RPAP2: variants seen among roughly 807,000 people sequenced by gnomAD.
RPAP2 encodes putative RNA polymerase II subunit B1 CTD phosphatase RPAP2.
Under a neutral mutation model 73.1 loss-of-function variants are expected in RPAP2, and 52 were observed. The ratio of observed to expected loss-of-function variants is 0.71; its 90% CI spans 0.57 to 0.90. The LOEUF (loss-of-function observed/expected upper bound fraction) is 0.90, where lower values mean the gene tolerates loss of function less well. Ranked by LOEUF, RPAP2 falls within the 40% of genes least tolerant of loss-of-function variation. RPAP2 has a pLI of 0.00. For synonymous variants in RPAP2, 225 were observed against 242.1 expected, an observed-to-expected ratio of 0.93 and a Z score of 0.65; for missense variants, 598 against 701.8, an observed-to-expected ratio of 0.85 and a Z score of 1.67.
rs1656130242 is a variant in RPAP2, at chr1:92,394,358, G to C, written c.*7347G>C. The stretch of plus-strand genomic sequence containing the variant: ...GGGGCTAAGGGAGGGATAACATTAG[G>C]AGAAATACCTAATGTAGGTGACAGG... On this transcript the variant is annotated 3_prime_UTR_variant, in exon 13 of 13. Transcript: ENST00000610020. 1 of 152,200 alleles carries C rather than the reference G, an allele frequency of 6.6e-6. No individual in the cohort carries two copies. The highest frequency in any genetic ancestry group is 2.1e-4 in the South Asian group (1 of 4,822). 9.4% of individuals were successfully genotyped at this position (152,200 alleles called of 1,614,324 possible). A position where few individuals can be genotyped will look rare whatever the true frequency, so the allele number is the denominator to read the frequency against.
intron 11 of RPAP2, among the ~76,000 whole-genome samples, chr1:92,352,679 T>A (rs1654276882): frequency 2.0e-5 from 3 of 152,222 alleles, no homozygotes; most frequent in African/African-American, 4.8e-5. Flanking sequence ...CTGAGCTGTT[T>A]AAAGTTGAGA....
chr1:92,329,022 C>CT (rs1652804383), intron 8 of RPAP2, among the ~76,000 whole-genome samples: 1 of 152,334 alleles, frequency 6.6e-6, no homozygotes, highest in Admixed American at 6.5e-5. Flanking sequence ...ATACCAGCAC[C>CT]TGCTCCAGTG....
At position 92,301,497 on chromosome 1, in the gene RPAP2, T is replaced by C; in HGVS notation, c.141T>C (p.Ala47=). Residue 47 remains alanine, a synonymous_variant, in exon 3 of 13, where the codon GCT becomes GCC. Transcript: ENST00000610020. ...TTAGGAAAGCTGAACTAGAAGCAGC[T>C]GTGAGAAAGAAGATTGAATTTGAGA... ...ASKRKAELEA[A]VRKKIEFERK... is the part of the protein sequence containing the mutation. 6.3e-7 allele frequency: 1 copy of C among 1,589,332 alleles called. No homozygotes were observed. The highest frequency in any genetic ancestry group is 8.5e-7 in the Non-Finnish European group (1 of 1,169,688).
At chr1:92,369,950 T>C (rs1237240486) in intron 11 of RPAP2, among the ~76,000 whole-genome samples, 3 of 152,196 alleles carry the variant, frequency 2.0e-5, no homozygotes, top group Non-Finnish European at 4.4e-5. Flanking sequence ...AGTGGTGCGA[T>C]CTCGGCTTAC....
chr1:92,398,829 G>T lies in RPAP2; in HGVS notation c.*11818G>T, dbSNP rs953686160. ...GCGTGGGGCTGCCTGTGTGATTCCT[G>T]ATAAAGAAATGCCTTCATGAAATGT... is the stretch of plus-strand genomic sequence containing the variant. On this transcript the variant is annotated 3_prime_UTR_variant, in exon 13 of 13. Coordinates refer to ENST00000610020, the MANE Select transcript of RPAP2 (RefSeq NM_024813.3). The T allele has an allele frequency of 6.6e-6, 1 of 152,236 alleles. No homozygotes were observed. The highest frequency in any genetic ancestry group is 1.5e-5 in the Non-Finnish European group (1 of 68,050). The allele number at this position is 152,236 out of a possible 1,614,324, so 9.4% of individuals were successfully genotyped here.
At chr1:92,370,798 T>C (rs1655115340) in intron 11 of RPAP2, among the ~76,000 whole-genome samples, 1 of 152,136 alleles carries the variant, frequency 6.6e-6, no homozygotes. Context: ...CAGTTGAGTC[T>C]TCATTTTGCT....
At chr1:92,329,723 T>G (rs989432967) in intron 8 of RPAP2, among the ~76,000 whole-genome samples, 1 of 152,232 alleles carries the variant, frequency 6.6e-6, no homozygotes, top group Non-Finnish European at 1.5e-5. Context: ...AAACCAACTT[T>G]GCATTCTTAT....
chr1:92,304,427 A>C (rs1247876737), intron 5 of RPAP2, 78 bp downstream of exon 5: 4 of 714,198 alleles, frequency 5.6e-6, no homozygotes, highest in Admixed American at 2.9e-5. Flanking sequence ...ATGGCAATTA[A>C]TTTTTAATGA....
At chr1:92,312,418 C>A (rs1651644508) in intron 6 of RPAP2, among the ~76,000 whole-genome samples, 1 of 146,740 alleles carries the variant, frequency 6.8e-6, no homozygotes, top group Admixed American at 6.8e-5. Flanking sequence ...GACCGTGTCT[C>A]AAAAAAAAAA....
At chr1:92,361,142 AACAC>A (rs373613454) in intron 11 of RPAP2, among the ~76,000 whole-genome samples, 2 of 149,312 alleles carry the variant, frequency 1.3e-5, no homozygotes, top group Admixed American at 1.3e-4. Flanking sequence ...CACACACATA[AACAC>A]ACACACACAC....
At chr1:92,340,498 A>G (rs1653534074) in intron 10 of RPAP2, among the ~76,000 whole-genome samples, 1 of 152,218 alleles carries the variant, frequency 6.6e-6, no homozygotes, top group Non-Finnish European at 1.5e-5. Flanking sequence ...GTGACAATCA[A>G]TAATAGGAAC....
At chr1:92,337,298 G>A (rs1030265741) in intron 10 of RPAP2, among the ~76,000 whole-genome samples, 12 of 152,096 alleles carry the variant, frequency 7.9e-5, no homozygotes, top group African/African-American at 2.9e-4. Context: ...ATAGTCAGCT[G>A]TTAGATTTCT....
At chr1:92,347,204 T>G (rs1042695362) in intron 11 of RPAP2, among the ~76,000 whole-genome samples, 8 of 152,208 alleles carry the variant, frequency 5.3e-5, no homozygotes, top group African/African-American at 1.9e-4. Flanking sequence ...GAACAAATCT[T>G]TTGTCATTTC....
intron 11 of RPAP2, among the ~76,000 whole-genome samples, chr1:92,376,191 G>A (rs950991051): frequency 2.0e-5 from 3 of 151,894 alleles, no homozygotes; most frequent in Admixed American, 6.6e-5. Flanking sequence ...ATGTGCATAG[G>A]TTATATGCAA....
Position 92,301,480 on chromosome 1 carries a change from G to C in RPAP2, c.124G>C (p.Ala42Pro), listed in dbSNP as rs1310945652. 5 of 1,561,180 alleles carry C rather than the reference G, an allele frequency of 3.2e-6. No individual in the cohort carries two copies. The East Asian group carries it at 1.2e-4, about 36-fold the overall frequency. ...AGTTTCTCTTTCAAATTTTAGGAAA[G>C]CTGAACTAGAAGCAGCTGTGAGAAA... ...LKQEDASKRK[A>P]ELEAAVRKKI... Residue 42 changes from alanine to proline, a missense_variant, in exon 3 of 13, where the codon GCT (alanine) becomes CCT (proline). By Grantham distance (27) the Ala-to-Pro change is conservative. This residue lies in a region of RPAP2 where 77 missense variants were observed against 55.7 expected (regional missense o/e 1.38). Coordinates refer to ENST00000610020, the MANE Select transcript of RPAP2 (RefSeq NM_024813.3).
intron 6 of RPAP2, among the ~76,000 whole-genome samples, chr1:92,312,684 A>T (rs1651662420): frequency 6.6e-6 from 1 of 152,032 alleles, no homozygotes; most frequent in Non-Finnish European, 1.5e-5. Flanking sequence ...TTTCCACCAT[A>T]TCCATAGTGA....
chr1:92,344,569 AAC>A (rs936960503), intron 10 of RPAP2, among the ~76,000 whole-genome samples: 12 of 152,314 alleles, frequency 7.9e-5, no homozygotes, highest in East Asian at 7.7e-4. Flanking sequence ...CCATTTTTTT[AAC>A]ACACATTTTT....
At chr1:92,353,744 G>A (rs1216965473) in intron 11 of RPAP2, among the ~76,000 whole-genome samples, 1 of 152,092 alleles carries the variant, frequency 6.6e-6, no homozygotes, top group Non-Finnish European at 1.5e-5. Context: ...GCAATAATTA[G>A]ATTATTTCTA....
At chr1:92,385,962 G>C (rs777350102) in intron 12 of RPAP2, among the ~76,000 whole-genome samples, 4 of 152,142 alleles carry the variant, frequency 2.6e-5, no homozygotes, top group Non-Finnish European at 4.4e-5. Flanking sequence ...GTTGTTGGCA[G>C]GATCGCACTC....
Sources: allele counts gnomAD v4.1 joint callset (sites outside exome capture counted in the v4.1 genomes callset), GRCh38; gene constraint gnomAD v4.1.1; regional missense constraint gnomAD v4.1.1; transcripts MANE v1.5; gene names NCBI Gene and HGNC (gene_info 2026-07-23, HGNC 2026-07-21).